UBE2E1: variants seen among roughly 807,000 people sequenced by gnomAD.
UBE2E1 encodes ubiquitin conjugating enzyme E2 E1, also known as ubiquitin-conjugating enzyme E2 E1.
In UBE2E1, 6 loss-of-function variants were observed where a neutral mutation model predicts 21.4. That is an observed-to-expected ratio of 0.28 (90% CI 0.15 to 0.55). The LOEUF (loss-of-function observed/expected upper bound fraction) is 0.55. Ranked by LOEUF, UBE2E1 falls within the 20% of genes least tolerant of loss-of-function variation. The pLI is 0.93. For missense variants in UBE2E1, 142 were observed against 236.5 expected (o/e 0.60, Z 2.62); for synonymous variants, 87 against 82.7 (o/e 1.05, Z -0.28).
rs908005443 is a variant in UBE2E1, at chr3:23,810,521, A to G, written c.153-939A>G. The G allele has an allele frequency of 1.3e-6, 2 of 1,534,710 alleles. No homozygotes were observed. The highest frequency in any genetic ancestry group is 4.9e-5 in the East Asian group (2 of 40,768). On this transcript the variant is annotated intron_variant, in intron 2 of 5. Coordinates refer to ENST00000306627, the MANE Select transcript of UBE2E1 (RefSeq NM_003341.5). The surrounding 1 kb of genome is among the most constrained non-coding windows in gnomAD (Gnocchi z 5.8). The stretch of plus-strand genomic sequence containing the variant: ...CCGGGAAGTTAGAGGACGCCCGGGG[A>G]AAAGCAGGTCCGGGGAGGTGGGCCG...
intron 3 of UBE2E1, among the ~76,000 whole-genome samples, chr3:23,877,116 C>T (rs1239521867): frequency 6.6e-6 from 1 of 152,180 alleles, no homozygotes; most frequent in Non-Finnish European, 1.5e-5. Flanking sequence ...TGTTAACATG[C>T]ACATTGATAG....
intron 3 of UBE2E1, among the ~76,000 whole-genome samples, chr3:23,812,415 G>A (rs1161762144): frequency 3.3e-5 from 5 of 152,130 alleles, no homozygotes; most frequent in African/African-American, 4.8e-5. Context: ...AGTATTCAGC[G>A]GCTATACACA....
At chr3:23,811,146 G>T (rs150346006) in intron 2 of UBE2E1, 6 of 401,068 alleles carry the variant, frequency 1.5e-5, no homozygotes, top group Non-Finnish European at 2.7e-5. Context: ...TGAGGAAACC[G>T]GTCGGCAAGT....
rs750498633 is a variant in UBE2E1, at chr3:23,887,552, A to G, written c.204-15A>G. ...AGTGCCACCATCTGCTTATTTGTTG[A>G]CGTATTATTCACAGTGCTGGTCCCA... On this transcript the variant is annotated splice_polypyrimidine_tract_variant and intron_variant, in intron 3 of 5. Coordinates refer to ENST00000306627, the MANE Select transcript of UBE2E1 (RefSeq NM_003341.5). The surrounding 1 kb of genome is among the most constrained non-coding windows in gnomAD (Gnocchi z 4.4). 6.3e-7 allele frequency: 1 copy of G among 1,596,202 alleles called. No homozygotes were observed. The highest frequency in any genetic ancestry group is 1.9e-5 in the Admixed American group (1 of 53,894).
At position 23,810,321 on chromosome 3, in the gene UBE2E1, G is replaced by C. The variant is rs1699356749; in HGVS notation, c.153-1139G>C. On this transcript the variant is annotated intron_variant, in intron 2 of 5. Coordinates refer to ENST00000306627, the MANE Select transcript of UBE2E1 (RefSeq NM_003341.5). This position sits in a 1 kb window ranked among gnomAD's most constrained non-coding sequence, Gnocchi z 5.8. ...ATTAATTGATGCTCTAAGTGCCTAG[G>C]TAAGCAAAAGACAAAGGCCAGGGCT... 1 of 975,068 alleles carries C rather than the reference G, an allele frequency of 1.0e-6. No homozygotes were observed. Among genetic ancestry groups the C allele is most frequent in the Non-Finnish European group, 1.5e-6 (1 of 645,286 alleles). 60.4% of individuals were successfully genotyped at this position (975,068 alleles called of 1,614,324 possible). A position where few individuals can be genotyped will look rare whatever the true frequency, so the allele number is the denominator to read the frequency against.
At chr3:23,867,862 C>T (rs1221824845) in intron 3 of UBE2E1, among the ~76,000 whole-genome samples, 1 of 152,176 alleles carries the variant, frequency 6.6e-6, no homozygotes, top group African/African-American at 2.4e-5. Flanking sequence ...AATAAAATGT[C>T]AGTGGAAGCT....
In UBE2E1 at chr3:23,842,201, GTGTGTGT is replaced by G. The variant is rs1559482357; in HGVS notation, c.203+30692_203+30698del. Reference sequence around the variant, plus strand: ...GTCATGACCCAGTAAGTGAAGGGGTGTGTGTGTGTGTGTGTGTGTGTGTGTGTGTGTG... The same window carrying G: ...GTCATGACCCAGTAAGTGAAGGGGTGGTGTGTGTGTGTGTGTGTGTGTGTG... On this transcript the variant is annotated intron_variant, in intron 3 of 5. Coordinates refer to ENST00000306627, the MANE Select transcript of UBE2E1 (RefSeq NM_003341.5). The surrounding 1 kb of genome is among the most constrained non-coding windows in gnomAD (Gnocchi z 4.6). Among the ~76,000 whole-genome samples, 126 of 94,056 alleles carry G rather than the reference GTGTGTGT, an allele frequency of 1.3e-3. 2 individuals carry two copies. Among genetic ancestry groups the G allele is most frequent in the East Asian group, 8.4e-3 (34 of 4,050 alleles). 61.7% of individuals were successfully genotyped at this position (94,056 alleles called of 152,430 possible).
chr3:23,856,557 A>T (rs1271883187), intron 3 of UBE2E1, among the ~76,000 whole-genome samples: 1 of 152,172 alleles, frequency 6.6e-6, no homozygotes, highest in Admixed American at 6.5e-5. Flanking sequence ...TTTGTATCGG[A>T]TTGTGACTTT....
chr3:23,880,488 G>T (rs1052241491), intron 3 of UBE2E1, among the ~76,000 whole-genome samples: 2 of 152,218 alleles, frequency 1.3e-5, no homozygotes, highest in African/African-American at 4.8e-5. Context: ...AATCACTTGA[G>T]CCCAGGAAGT....
At chr3:23,865,221 T>C (rs139149562) in intron 3 of UBE2E1, among the ~76,000 whole-genome samples, 1 of 152,330 alleles carries the variant, frequency 6.6e-6, no homozygotes, top group Non-Finnish European at 1.5e-5. Flanking sequence ...ATTCAGTTCC[T>C]TGCAGCTATG....
Position 23,816,702 on chromosome 3 carries a change from A to C in UBE2E1, c.203+5192A>C, listed in dbSNP as rs768969023. Among the ~76,000 whole-genome samples, 5 of 151,886 alleles carry C rather than the reference A, an allele frequency of 3.3e-5. No homozygotes were observed. The highest frequency in any genetic ancestry group is 5.9e-5 in the Non-Finnish European group (4 of 67,964). On this transcript the variant is annotated intron_variant, in intron 3 of 5. Transcript: ENST00000306627. The surrounding 1 kb of genome is among the most constrained non-coding windows in gnomAD (Gnocchi z 4.8). ...AGCCTGGGCAACAAAGCGAGGCTCCATCTCAAAAAAAAAGGTTATACTAAG... is the reference window on the plus strand; with the variant it reads ...AGCCTGGGCAACAAAGCGAGGCTCCCTCTCAAAAAAAAAGGTTATACTAAG...
At chr3:23,821,535 G>A (rs1479943743) in intron 3 of UBE2E1, among the ~76,000 whole-genome samples, 1 of 152,246 alleles carries the variant, frequency 6.6e-6, no homozygotes, top group Non-Finnish European at 1.5e-5. Flanking sequence ...AGGGAGACCA[G>A]AAAGGAGGGT....
Position 23,806,434 on chromosome 3 carries a change from A to G in UBE2E1, c.-34+346A>G, listed in dbSNP as rs1177847464. The stretch of plus-strand genomic sequence containing the variant: ...GAGTTGGGGGAGCCCCGTTTTCCCC[A>G]GGGGCGGGGGTTCGCGGGGATTAAC... On this transcript the variant is annotated intron_variant, in intron 1 of 5. Coordinates refer to ENST00000306627, the MANE Select transcript of UBE2E1 (RefSeq NM_003341.5). The surrounding 1 kb of genome is among the most constrained non-coding windows in gnomAD (Gnocchi z 6.5). Among the ~76,000 whole-genome samples, 1 of 149,272 alleles carries G rather than the reference A, an allele frequency of 6.7e-6. No individual in the cohort carries two copies. The highest frequency in any genetic ancestry group is 1.5e-5 in the Non-Finnish European group (1 of 66,716).
At chr3:23,875,859 G>A (rs1028509079) in intron 3 of UBE2E1, among the ~76,000 whole-genome samples, 29 of 152,288 alleles carry the variant, frequency 1.9e-4, no homozygotes, top group Admixed American at 8.5e-4. Context: ...TGCAGCCTCC[G>A]CCTCCCAGGT....
At position 23,836,807 on chromosome 3, in the gene UBE2E1, GCCCAGGAATCTATT is replaced by G. The variant is rs888594182; in HGVS notation, c.203+25299_203+25312del. Among the ~76,000 whole-genome samples, 1 of 152,120 alleles carries G rather than the reference GCCCAGGAATCTATT, an allele frequency of 6.6e-6. No individual in the cohort carries two copies. Among genetic ancestry groups the G allele is most frequent in the Admixed American group, 6.6e-5 (1 of 15,260 alleles). ...AATGACATATGACAGACAGAATCAT[GCCCAGGAATCTATT>G]CATTCTGCACACTATGATTGATCTA... On this transcript the variant is annotated intron_variant, in intron 3 of 5. Transcript: ENST00000306627. The surrounding 1 kb of genome is among the most constrained non-coding windows in gnomAD (Gnocchi z 4.1).
intron 3 of UBE2E1, among the ~76,000 whole-genome samples, chr3:23,865,928 T>TG (rs1210405631): frequency 6.6e-6 from 1 of 152,166 alleles, no homozygotes; most frequent in Non-Finnish European, 1.5e-5. Flanking sequence ...CTGCTGCTGC[T>TG]GCAGCATCTA....
intron 3 of UBE2E1, among the ~76,000 whole-genome samples, chr3:23,825,443 G>A (rs563469583): frequency 7.9e-5 from 12 of 152,166 alleles, no homozygotes; most frequent in Non-Finnish European, 4.4e-5. Flanking sequence ...AGGTACTGAA[G>A]ATACAGCAGC....
Position 23,891,349 on chromosome 3 carries a change from T to A in UBE2E1, c.*743T>A, listed in dbSNP as rs1160667151. 2 of 152,246 alleles carry A rather than the reference T, an allele frequency of 1.3e-5. No homozygotes were observed. Among genetic ancestry groups the A allele is most frequent in the African/African-American group, 4.8e-5 (2 of 41,466 alleles). The allele number at this position is 152,246 out of a possible 1,614,324, so 9.4% of individuals were successfully genotyped here. On this transcript the variant is annotated 3_prime_UTR_variant, in exon 6 of 6. Coordinates refer to ENST00000306627, the MANE Select transcript of UBE2E1 (RefSeq NM_003341.5). ...GTTCATTTACTTTTCTTTTGCCTTT[T>A]GGTTGCCATTCGCAGATTCTTCTGA...
At chr3:23,869,444 T>TGTGC (rs1553639716) in intron 3 of UBE2E1, among the ~76,000 whole-genome samples, 1 of 148,924 alleles carries the variant, frequency 6.7e-6, no homozygotes, top group Non-Finnish European at 1.5e-5. Context: ...TGTGTGTGTG[T>TGTGC]TAACTTCAGT....
Sources: gnomAD v4.1 joint callset for allele counts (sites outside exome capture counted in the v4.1 genomes callset) on GRCh38, gnomAD v4.1.1 for gene constraint, Gnocchi (gnomAD v3.1) non-coding constraint, MANE v1.5 for transcripts, NCBI Gene and HGNC (gene_info 2026-07-23, HGNC 2026-07-21) for gene names.